CSMD1: variants seen among roughly 807,000 people sequenced by gnomAD.
CSMD1 encodes CUB and sushi domain-containing protein 1.
Under a neutral mutation model 417.5 loss-of-function variants are expected in CSMD1, and 213 were observed. The ratio of observed to expected loss-of-function variants is 0.51; its 90% CI spans 0.46 to 0.57. The LOEUF is 0.57. CSMD1 is among the 20% of genes least tolerant of loss of function. The pLI is 0.00. For synonymous variants in CSMD1, 2,862 were observed against 1,736.8 expected (o/e 1.65, Z -16.11); for missense variants, 6,923 against 4,529.7 (o/e 1.53, Z -15.17).
At chr8:4,334,956 G>A (rs769240734) in intron 3 of CSMD1, among the ~76,000 whole-genome samples, 2 of 152,092 alleles carry the variant, frequency 1.3e-5, no homozygotes, top group African/African-American at 4.8e-5. Flanking sequence ...ATCCTCACAT[G>A]ACAGTAAAAC....
At chr8:4,867,050 T>C (rs1802460045) in intron 1 of CSMD1, among the ~76,000 whole-genome samples, 1 of 152,030 alleles carries the variant, frequency 6.6e-6, no homozygotes, top group Non-Finnish European at 1.5e-5. Flanking sequence ...TTTGCTCAAA[T>C]TAAGCCATAC....
At chr8:3,566,635 T>C (rs1317924321) in intron 10 of CSMD1, among the ~76,000 whole-genome samples, 5 of 152,186 alleles carry the variant, frequency 3.3e-5, no homozygotes, top group African/African-American at 1.2e-4. Flanking sequence ...ACAGACACTT[T>C]TCAAAAGAAT....
intron 2 of CSMD1, among the ~76,000 whole-genome samples, chr8:4,492,475 C>T (rs527257983): frequency 6.6e-6 from 1 of 152,176 alleles, no homozygotes; most frequent in East Asian, 1.9e-4. Context: ...AGCTTAGATT[C>T]CTCAGTATAT....
chr8:4,279,981 T>C (rs1796692113), intron 3 of CSMD1, among the ~76,000 whole-genome samples: 1 of 152,204 alleles, frequency 6.6e-6, no homozygotes, highest in African/African-American at 2.4e-5. Flanking sequence ...GATACTGGTG[T>C]TTCAAACAGA....
At chr8:3,643,692 C>A (rs1414856311) in intron 7 of CSMD1, among the ~76,000 whole-genome samples, 3 of 88,324 alleles carry the variant, frequency 3.4e-5, no homozygotes, top group African/African-American at 1.1e-4. Context: ...CAGCGTGAGA[C>A]TCCGTCTCAA....
chr8:3,655,148 C>T (rs1479674399), intron 7 of CSMD1, among the ~76,000 whole-genome samples: 3 of 152,150 alleles, frequency 2.0e-5, no homozygotes, highest in Admixed American at 2.0e-4. Context: ...AGAGCTAAAT[C>T]TCTTGCTTTT....
chr8:3,485,548 G>GAC (rs1817979553), intron 11 of CSMD1, among the ~76,000 whole-genome samples: 1 of 124,254 alleles, frequency 8.0e-6, no homozygotes, highest in East Asian at 2.0e-4. Context: ...CAGAGAGAGA[G>GAC]AGAGAGAGAG....
chr8:4,032,044 A>C lies in CSMD1; in HGVS notation c.471T>G (p.His157Gln), dbSNP rs760941636. 1.2e-6 allele frequency: 2 copies of C among 1,613,848 alleles called. No homozygotes were observed. Among genetic ancestry groups the C allele is most frequent in the Non-Finnish European group, 1.7e-6 (2 of 1,179,866 alleles). ...NPGEILKGVL[H>Q]GTRFNIGDKI... ...TGTCTCCTATGTTGAATCTCGTTCC[A>C]TGCAGAACTCCTTTCAGGATTTCTC... Residue 157 changes from histidine to glutamine, a missense_variant, in exon 4 of 70, where the codon CAT becomes CAG. Coordinates refer to ENST00000635120, the MANE Select transcript of CSMD1 (RefSeq NM_033225.6).
At chr8:4,540,773 G>T (rs148125285) in intron 2 of CSMD1, among the ~76,000 whole-genome samples, 1 of 151,934 alleles carries the variant, frequency 6.6e-6, no homozygotes, top group East Asian at 1.9e-4. Context: ...TAATCATCCC[G>T]GACCAGTGAG....
At chr8:4,329,906 T>C (rs1436335833) in intron 3 of CSMD1, among the ~76,000 whole-genome samples, 1 of 151,992 alleles carries the variant, frequency 6.6e-6, no homozygotes, top group Non-Finnish European at 1.5e-5. Context: ...TTGTTCCTGC[T>C]CTGGCCATGT....
At chr8:4,045,866 T>G (rs943749755) in intron 3 of CSMD1, among the ~76,000 whole-genome samples, 3 of 152,196 alleles carry the variant, frequency 2.0e-5, no homozygotes, top group Non-Finnish European at 4.4e-5. Context: ...TGCATTATTT[T>G]TTTTTTAATT....
intron 2 of CSMD1, among the ~76,000 whole-genome samples, chr8:4,624,407 G>A (rs1339052428): frequency 1.3e-5 from 2 of 152,138 alleles, no homozygotes; most frequent in East Asian, 1.9e-4. Flanking sequence ...AACTTCTTTG[G>A]ATGCCTTTCC....
intron 5 of CSMD1, among the ~76,000 whole-genome samples, chr8:3,765,611 T>A (rs1230535538): frequency 6.6e-6 from 1 of 152,234 alleles, no homozygotes; most frequent in Non-Finnish European, 1.5e-5. Flanking sequence ...TTGCTCCTAA[T>A]GTAAGTTATT....
intron 3 of CSMD1, among the ~76,000 whole-genome samples, chr8:4,233,074 GT>G (rs1801839769): frequency 6.6e-6 from 1 of 152,182 alleles, no homozygotes; most frequent in African/African-American, 2.4e-5. Context: ...AAAGCTCATT[GT>G]TCTGTGCACT....
chr8:4,057,680 G>A (rs1798767576), intron 3 of CSMD1, among the ~76,000 whole-genome samples: 2 of 151,544 alleles, frequency 1.3e-5, no homozygotes, highest in South Asian at 4.2e-4. Flanking sequence ...TAACGTTTAA[G>A]TCTTTAATCT....
intron 2 of CSMD1, among the ~76,000 whole-genome samples, chr8:4,452,317 A>T (rs1799193852): frequency 6.6e-6 from 1 of 152,224 alleles, no homozygotes; most frequent in African/African-American, 2.4e-5. Context: ...TTATTTCTAC[A>T]GTTTTTGAAA....
At chr8:3,566,259 T>C (rs938626187) in intron 10 of CSMD1, among the ~76,000 whole-genome samples, 32 of 150,694 alleles carry the variant, frequency 2.1e-4, no homozygotes, top group African/African-American at 6.6e-4. Context: ...GGAGGAAGAG[T>C]TGAAGAAAAG....
intron 41 of CSMD1, among the ~76,000 whole-genome samples, chr8:3,129,917 G>A (rs1817704867): frequency 6.6e-6 from 1 of 151,964 alleles, no homozygotes; most frequent in African/African-American, 2.4e-5. Context: ...GGGGGCGGAG[G>A]TTGCAGTGAG....
At chr8:3,903,343 G>T (rs923399735) in intron 5 of CSMD1, among the ~76,000 whole-genome samples, 1 of 150,534 alleles carries the variant, frequency 6.6e-6, no homozygotes, top group Admixed American at 6.6e-5. Context: ...AAAAAAAAAT[G>T]TACTCAACCT....
Sources: gnomAD v4.1 joint callset for allele counts (sites outside exome capture counted in the v4.1 genomes callset) on GRCh38, gnomAD v4.1.1 for gene constraint, MANE v1.5 for transcripts, NCBI Gene and HGNC (gene_info 2026-07-23, HGNC 2026-07-21) for gene names.